OR7A17: variants seen among roughly 807,000 people sequenced by gnomAD.
OR7A17 encodes the protein olfactory receptor family 7 subfamily A member 17.
For missense variants in OR7A17, 366 were observed against 365.5 expected (o/e 1.00, Z -0.01); for synonymous variants, 159 against 142.1 (o/e 1.12, Z -0.85).
chr19:14,880,491 T>C lies in OR7A17; in HGVS notation c.865A>G (p.Ile289Val). The C allele has an allele frequency of 6.2e-7, 1 of 1,614,056 alleles. No individual in the cohort carries two copies. The highest frequency in any genetic ancestry group is 8.5e-7 in the Non-Finnish European group (1 of 1,179,968). ...TVATPMLNPF[I>V]YSLRNKDIKR... The stretch of plus-strand genomic sequence containing the variant: ...ATGTCTTTATTCCTCAGACTGTAGA[T>C]AAAGGGGTTCAGCATGGGGGTGGCC... The change falls in exon 3 of 3, where the codon ATC (isoleucine) becomes GTC (valine). Residue 289 changes from isoleucine (I) to valine (V), a missense_variant. Coordinates refer to ENST00000641113, the MANE Select transcript of OR7A17 (RefSeq NM_030901.2).
Position 14,879,284 on chromosome 19 carries a change from G to A in OR7A17, c.*1142C>T, listed in dbSNP as rs1318290107. 1.3e-5 allele frequency: 2 copies of A among 148,746 alleles called. No homozygotes were observed. The highest frequency in any genetic ancestry group is 3.0e-5 in the Non-Finnish European group (2 of 67,492). 9.2% of individuals were successfully genotyped at this position (148,746 alleles called of 1,614,324 possible). On this transcript the variant is annotated 3_prime_UTR_variant, in exon 3 of 3. Transcript: ENST00000641113. ...TAGGCAATTTTTTTTTTTTTGAGAT[G>A]GAGTTTCGCTCTTGTTGCCCAGACT... is the stretch of plus-strand genomic sequence containing the variant.
chr19:14,885,275 A>G (rs565615133), intron 1 of OR7A17, among the ~76,000 whole-genome samples: 3 of 152,360 alleles, frequency 2.0e-5, no homozygotes, highest in East Asian at 1.9e-4. Flanking sequence ...AGTTCTGGCC[A>G]GGGCAATCAG....
At chr19:14,884,932 T>A (rs1599946594) in intron 1 of OR7A17, among the ~76,000 whole-genome samples, 1 of 152,228 alleles carries the variant, frequency 6.6e-6, no homozygotes, top group Admixed American at 6.5e-5. Flanking sequence ...TCCAGCATCA[T>A]CAAGTCGGCT....
intron 1 of OR7A17, 94 bp from the exon 2 acceptor site, chr19:14,881,965 C>G (rs2045114620): frequency 6.6e-6 from 1 of 152,152 alleles, no homozygotes; most frequent in East Asian, 1.9e-4. Flanking sequence ...ACCAATTGCC[C>G]TGGCCTCTAG....
chr19:14,880,298 G>T lies in OR7A17; in HGVS notation c.*128C>A, dbSNP rs2145118672. Reference sequence around the variant, plus strand: ...AAATTCTATGTCAGTTGAGATCAAAGAAATTGAAACTCTGAGAAAAAATAG... The same window carrying T: ...AAATTCTATGTCAGTTGAGATCAAATAAATTGAAACTCTGAGAAAAAATAG... On this transcript the variant is annotated 3_prime_UTR_variant, in exon 3 of 3. Coordinates refer to ENST00000641113, the MANE Select transcript of OR7A17 (RefSeq NM_030901.2). 2 of 665,526 alleles carry T rather than the reference G, an allele frequency of 3.0e-6. No individual in the cohort carries two copies. Among genetic ancestry groups the T allele is most frequent in the Non-Finnish European group, 4.8e-6 (2 of 419,746 alleles). The allele number at this position is 665,526 out of a possible 1,614,324, so 41.2% of individuals were successfully genotyped here. A position where few individuals can be genotyped will look rare whatever the true frequency, so the allele number is the denominator to read the frequency against.
At chr19:14,885,916 G>A (rs2045133930) in intron 1 of OR7A17, 25 bp downstream of exon 1, 1 of 152,190 alleles carries the variant, frequency 6.6e-6, no homozygotes, top group Non-Finnish European at 1.5e-5. Context: ...CTTTCCTACA[G>A]TACCCACTGG....
Position 14,880,734 on chromosome 19 carries a change from C to A in OR7A17, c.622G>T (p.Gly208Cys). 6.2e-7 allele frequency: 1 copy of A among 1,614,220 alleles called. No homozygotes were observed. Among genetic ancestry groups the A allele is most frequent in the South Asian group, 1.1e-5 (1 of 91,084 alleles). The change falls in exon 3 of 3, where the codon GGT becomes TGT. Residue 208 changes from glycine to cysteine, a missense_variant. Coordinates refer to ENST00000641113, the MANE Select transcript of OR7A17 (RefSeq NM_030901.2). ...CAAAGGATCCCCACAAGGGGACCACCAGCCAGCAGCCCTGCTGCAAAATAC... is the reference window on the plus strand; with the variant it reads ...CAAAGGATCCCCACAAGGGGACCACAAGCCAGCAGCCCTGCTGCAAAATAC... ...GMYFAAGLLA[G>C]GPLVGILCSY...
chr19:14,882,275 T>C (rs1438857644), intron 1 of OR7A17, among the ~76,000 whole-genome samples: 2 of 152,220 alleles, frequency 1.3e-5, no homozygotes, highest in Non-Finnish European at 2.9e-5. Context: ...AATACATATA[T>C]ACTATGTCAG....
intron 1 of OR7A17, among the ~76,000 whole-genome samples, chr19:14,883,706 A>G (rs1048931296): frequency 6.6e-6 from 1 of 152,228 alleles, no homozygotes; most frequent in African/African-American, 2.4e-5. Context: ...GTGATAAAAT[A>G]AAAAGAATGT....
chr19:14,884,718 C>T (rs1218415634), intron 1 of OR7A17: 2 of 152,302 alleles, frequency 1.3e-5, no homozygotes, highest in Non-Finnish European at 2.9e-5. Flanking sequence ...GGTATCACTC[C>T]TTCTGAAACG....
intron 1 of OR7A17, among the ~76,000 whole-genome samples, chr19:14,882,558 A>G (rs7255465): frequency 0.24 from 35,859 of 152,202 alleles, 4,486 homozygotes; most frequent in African/African-American, 0.3. Context: ...GTTTCAGAAG[A>G]TGTTGTGGGA....
Position 14,879,107 on chromosome 19 carries a change from A to G in OR7A17, c.*1319T>C, listed in dbSNP as rs2045093294. On this transcript the variant is annotated 3_prime_UTR_variant, in exon 3 of 3. Coordinates refer to ENST00000641113, the MANE Select transcript of OR7A17 (RefSeq NM_030901.2). ...ATAATCACATCATGGTGAATGGGGT[A>G]CCCACCCCATTAAGCATTTATTCTT... The G allele has an allele frequency of 6.6e-6, 1 of 152,118 alleles. No homozygotes were observed. The highest frequency in any genetic ancestry group is 2.4e-5 in the African/African-American group (1 of 41,402). The allele number at this position is 152,118 out of a possible 1,614,324, so 9.4% of individuals were successfully genotyped here. A position where few individuals can be genotyped will look rare whatever the true frequency, so the allele number is the denominator to read the frequency against.
Position 14,881,388 on chromosome 19 carries a change from A to G in OR7A17, c.-33T>C, listed in dbSNP as rs950987729. On this transcript the variant is annotated 5_prime_UTR_variant, in exon 3 of 3. Coordinates refer to ENST00000641113, the MANE Select transcript of OR7A17 (RefSeq NM_030901.2). ...TTTCTATTTATTTATTTATTTATTT[A>G]TTTATTTATTTATTTATTAACATAG... 2 of 1,158,748 alleles carry G rather than the reference A, an allele frequency of 1.7e-6. No individual in the cohort carries two copies. Among genetic ancestry groups the G allele is most frequent in the African/African-American group, 1.7e-5 (1 of 60,274 alleles). The allele number at this position is 1,158,748 out of a possible 1,614,324, so 71.8% of individuals were successfully genotyped here.
chr19:14,882,371 T>A (rs2045116574), intron 1 of OR7A17, among the ~76,000 whole-genome samples: 1 of 152,310 alleles, frequency 6.6e-6, no homozygotes, highest in East Asian at 1.9e-4. Flanking sequence ...AGCTAAAAAC[T>A]GAACAGAGAG....
rs3030635 is a variant in OR7A17, at chr19:14,880,209, CAAA to C, written c.*214_*216del. 1,682 of 171,846 alleles carry C rather than the reference CAAA, an allele frequency of 9.8e-3. 17 individuals carry two copies. Among genetic ancestry groups the C allele is most frequent in the African/African-American group, 0.029 (1,014 of 35,150 alleles). The allele number at this position is 171,846 out of a possible 1,614,324, so 10.6% of individuals were successfully genotyped here. On this transcript the variant is annotated 3_prime_UTR_variant, in exon 3 of 3. Coordinates refer to ENST00000641113, the MANE Select transcript of OR7A17 (RefSeq NM_030901.2). ...AAACATTGGGAAAGTAGGAAAATGA[CAAA>C]AAAAAAAAAAAAAAAAAGATTGGAT...
chr19:14,883,878 T>A (rs917580887), intron 1 of OR7A17, among the ~76,000 whole-genome samples: 6 of 152,208 alleles, frequency 3.9e-5, no homozygotes, highest in Admixed American at 3.9e-4. Context: ...TAAAATTATA[T>A]AATACACAAT....
At chr19:14,885,218 A>G (rs941086905) in intron 1 of OR7A17, among the ~76,000 whole-genome samples, 3 of 152,212 alleles carry the variant, frequency 2.0e-5, no homozygotes, top group Non-Finnish European at 4.4e-5. Context: ...AACTGGCACA[A>G]GACAAGTGTG....
chr19:14,884,779 C>T (rs1175251709), intron 1 of OR7A17: 1 of 152,106 alleles, frequency 6.6e-6, no homozygotes. Context: ...ATTTATGAGG[C>T]CAGCATCATC....
rs2045092748 is a variant in OR7A17, at chr19:14,878,995, T to TA, written c.*1430_*1431insT. 1 of 150,664 alleles carries TA rather than the reference T, an allele frequency of 6.6e-6. No homozygotes were observed. The allele number at this position is 150,664 out of a possible 1,614,324, so 9.3% of individuals were successfully genotyped here. On this transcript the variant is annotated 3_prime_UTR_variant, in exon 3 of 3. Transcript: ENST00000641113. Reference sequence around the variant, plus strand: ...CGGGCCAAAAATTTTACTCCATCTTTTTTTCTTTTATATTTTTGTGGGTAC... The same window carrying TA: ...CGGGCCAAAAATTTTACTCCATCTTTATTTTCTTTTATATTTTTGTGGGTAC...
Sources: gnomAD v4.1 joint callset for allele counts (sites outside exome capture counted in the v4.1 genomes callset) on GRCh38, gnomAD v4.1.1 for gene constraint, MANE v1.5 for transcripts, NCBI Gene and HGNC (gene_info 2026-07-23, HGNC 2026-07-21) for gene names.